The following KAZN variants were observed in gnomAD, a reference collection of about 807,000 sequenced individuals.
KAZN encodes kazrin.
KAZN carries 40 observed loss-of-function variants against 87.4 expected under a neutral mutation model. That is an observed-to-expected ratio of 0.46 (90% CI 0.36 to 0.60). The LOEUF (loss-of-function observed/expected upper bound fraction) is 0.60, where lower values mean the gene tolerates loss of function less well. KAZN is among the 20% of genes least tolerant of loss of function. The pLI, the probability that KAZN is intolerant of heterozygous loss-of-function variation, is 0.00. For synonymous variants in KAZN, 466 were observed against 458.3 expected, an observed-to-expected ratio of 1.02 and a Z score of -0.22; for missense variants, 898 against 1,073.9, an observed-to-expected ratio of 0.84 and a Z score of 2.29.
intron 2 of KAZN, among the ~76,000 whole-genome samples, chr1:14,316,934 T>G (rs1043807106): frequency 6.6e-6 from 1 of 151,958 alleles, no homozygotes; most frequent in African/African-American, 2.4e-5. Flanking sequence ...ATTGAAAGCC[T>G]TGTTTGGGGG....
intron 1 of KAZN, among the ~76,000 whole-genome samples, chr1:14,790,977 C>T (rs116816562): frequency 1.3e-5 from 2 of 151,224 alleles, no homozygotes; most frequent in Non-Finnish European, 3.0e-5. Context: ...TAGGTGTGAG[C>T]CACCGCACCG....
intron 1 of KAZN, among the ~76,000 whole-genome samples, chr1:14,730,381 C>T (rs1643625408): frequency 6.6e-6 from 1 of 152,218 alleles, no homozygotes; most frequent in African/African-American, 2.4e-5. Context: ...CGTGCCCGGC[C>T]TAAAGTATCT....
intron 1 of KAZN, among the ~76,000 whole-genome samples, chr1:13,962,770 C>G (rs749053025): frequency 1.3e-5 from 2 of 152,178 alleles, no homozygotes; most frequent in Non-Finnish European, 2.9e-5. Context: ...GTTGGCCAGG[C>G]TGGTCTTGAA....
intron 2 of KAZN, among the ~76,000 whole-genome samples, chr1:14,496,784 G>A (rs901819599): frequency 1.3e-5 from 2 of 151,746 alleles, no homozygotes; most frequent in Admixed American, 6.6e-5. Context: ...CATGCAAAGC[G>A]TGATATTCAC....
At chr1:13,943,056 A>G (rs188904265) in intron 1 of KAZN, among the ~76,000 whole-genome samples, 18 of 152,328 alleles carry the variant, frequency 1.2e-4, no homozygotes, top group African/African-American at 4.1e-4. Context: ...ATATTTGAAG[A>G]GATACTGGCC....
chr1:14,414,867 A>C (rs1664619831), intron 2 of KAZN, among the ~76,000 whole-genome samples: 1 of 152,158 alleles, frequency 6.6e-6, no homozygotes, highest in Non-Finnish European at 1.5e-5. Context: ...TCTACTAAAA[A>C]ATACAAAAGT....
intron 1 of KAZN, among the ~76,000 whole-genome samples, chr1:14,680,019 G>A (rs1468507932): frequency 2.0e-5 from 3 of 152,092 alleles, no homozygotes; most frequent in South Asian, 2.1e-4. Flanking sequence ...CATGCAACTC[G>A]CCTGTGGAAT....
chr1:15,028,071 C>T (rs1406382413), intron 2 of KAZN, among the ~76,000 whole-genome samples: 1 of 152,098 alleles, frequency 6.6e-6, no homozygotes, highest in African/African-American at 2.4e-5. Flanking sequence ...GGTCTTTCGC[C>T]TGGGAGGGCC....
chr1:14,669,622 C>T (rs1474296925), intron 1 of KAZN, among the ~76,000 whole-genome samples: 1 of 152,092 alleles, frequency 6.6e-6, no homozygotes, highest in Non-Finnish European at 1.5e-5. Context: ...TGGTGTGCAC[C>T]TATAGTCCCA....
chr1:13,931,447 G>GCT (rs139587494), intron 1 of KAZN, among the ~76,000 whole-genome samples: 4 of 149,738 alleles, frequency 2.7e-5, no homozygotes, highest in Non-Finnish European at 5.9e-5. Context: ...CAGCCAGAGG[G>GCT]GTGTGTGTGT....
chr1:14,079,902 C>T (rs1379964268), intron 1 of KAZN, among the ~76,000 whole-genome samples: 5 of 151,396 alleles, frequency 3.3e-5, no homozygotes, highest in African/African-American at 9.7e-5. Context: ...GCCCCACCTC[C>T]GACACTGGGG....
At position 15,066,499 on chromosome 1, in the gene KAZN, C is replaced by T; in HGVS notation, c.1222+746C>T. The T allele has an allele frequency of 1.0e-6, 1 of 985,406 alleles. No individual in the cohort carries two copies. Among genetic ancestry groups the T allele is most frequent in the Non-Finnish European group, 1.2e-6 (1 of 829,936 alleles). The allele number at this position is 985,406 out of a possible 1,614,324, so 61.0% of individuals were successfully genotyped here. On this transcript the variant is annotated intron_variant, in intron 8 of 14. Coordinates refer to ENST00000376030, the MANE Select transcript of KAZN (RefSeq NM_201628.3). The surrounding 1 kb of genome is among the most constrained non-coding windows in gnomAD (Gnocchi z 4.3). ...TGTCTTGGCTGGGTTTGTCAGAGGT[C>T]AAACCGGCTCTTTTAAACGGCCTAC...
At chr1:14,131,082 A>G (rs1403266823) in intron 1 of KAZN, among the ~76,000 whole-genome samples, 1 of 152,190 alleles carries the variant, frequency 6.6e-6, no homozygotes, top group Non-Finnish European at 1.5e-5. Flanking sequence ...AAGCGGAAGC[A>G]AAGCACATTT....
intron 1 of KAZN, among the ~76,000 whole-genome samples, chr1:14,179,602 A>G (rs1646154274): frequency 6.6e-6 from 1 of 152,204 alleles, no homozygotes; most frequent in African/African-American, 2.4e-5. Flanking sequence ...GAATGCCTAG[A>G]ATTTACTTAT....
At chr1:14,374,929 G>A (rs1660778787) in intron 2 of KAZN, among the ~76,000 whole-genome samples, 1 of 152,126 alleles carries the variant, frequency 6.6e-6, no homozygotes, top group Non-Finnish European at 1.5e-5. Context: ...GTCCTATTGA[G>A]CTCGTCCATT....
At chr1:14,822,498 C>T (rs752131907) in intron 1 of KAZN, among the ~76,000 whole-genome samples, 13 of 152,176 alleles carry the variant, frequency 8.5e-5, no homozygotes, top group Non-Finnish European at 1.8e-4. Context: ...AGAAGCTGGG[C>T]GTTCAGGTCT....
chr1:14,354,292 C>G (rs1204094801), intron 2 of KAZN, among the ~76,000 whole-genome samples: 1 of 151,766 alleles, frequency 6.6e-6, no homozygotes, highest in Non-Finnish European at 1.5e-5. Flanking sequence ...AGAGAGGATG[C>G]AGAAGGATGA....
intron 1 of KAZN, among the ~76,000 whole-genome samples, chr1:14,644,347 G>A (rs1572121413): frequency 6.7e-6 from 1 of 149,206 alleles, no homozygotes; most frequent in African/African-American, 2.5e-5. Context: ...TTTTTCTCTT[G>A]TAAATTTGTT....
At chr1:14,105,953 C>T (rs1644364424) in intron 1 of KAZN, among the ~76,000 whole-genome samples, 1 of 152,208 alleles carries the variant, frequency 6.6e-6, no homozygotes, top group Admixed American at 6.5e-5. Flanking sequence ...TTTCTGCATT[C>T]TCTACCCGCT....
Sources: allele counts gnomAD v4.1 joint callset (sites outside exome capture counted in the v4.1 genomes callset), GRCh38; gene constraint gnomAD v4.1.1; non-coding constraint Gnocchi (gnomAD v3.1); transcripts MANE v1.5; gene names NCBI Gene and HGNC (gene_info 2026-07-23, HGNC 2026-07-21).